The following PCBP3 variants were observed in gnomAD, a reference collection of about 807,000 sequenced individuals.
PCBP3 encodes poly(rC) binding protein 3, also known as poly(rC)-binding protein 3.
PCBP3 carries 25 observed loss-of-function variants against 52.7 expected under a neutral mutation model. The ratio of observed to expected loss-of-function variants is 0.47; its 90% CI spans 0.35 to 0.66. PCBP3 has a LOEUF of 0.66. PCBP3 is among the 30% of genes least tolerant of loss of function. The pLI, the probability that PCBP3 is intolerant of heterozygous loss-of-function variation, is 0.01. For synonymous variants in PCBP3, 162 were observed against 183.0 expected (o/e 0.89, Z 0.93); for missense variants, 391 against 490.3 (o/e 0.80, Z 1.91).
At chr21:45,784,503 G>A (rs1434543108) in intron 4 of PCBP3, among the ~76,000 whole-genome samples, 2 of 151,788 alleles carry the variant, frequency 1.3e-5, no homozygotes, top group African/African-American at 2.4e-5. Context: ...GTCTCCCTCT[G>A]ATGCCGAGCC....
At chr21:45,785,454 TG>T (rs1263406332) in intron 4 of PCBP3, among the ~76,000 whole-genome samples, 1 of 122,340 alleles carries the variant, frequency 8.2e-6, no homozygotes, top group African/African-American at 3.1e-5. Flanking sequence ...CCGCCCCGTC[TG>T]GGAGGAGGTG....
At chr21:45,861,780 C>T (rs1198321166) in intron 5 of PCBP3, among the ~76,000 whole-genome samples, 2 of 152,150 alleles carry the variant, frequency 1.3e-5, no homozygotes, top group Non-Finnish European at 2.9e-5. Flanking sequence ...ATTATAGGTA[C>T]AGACTACAAG....
chr21:45,647,102 G>C (rs757681005), intron 1 of PCBP3, among the ~76,000 whole-genome samples: 41 of 152,334 alleles, frequency 2.7e-4, no homozygotes, highest in South Asian at 2.3e-3. Flanking sequence ...TTGTGGTACA[G>C]AGATGTCACA....
At chr21:45,935,119 G>A in intron 15 of PCBP3, 134 bp from the exon 16 acceptor site, 1 of 634,564 alleles carries the variant, frequency 1.6e-6, no homozygotes, top group South Asian at 1.9e-5. Flanking sequence ...GGCCCTCTGG[G>A]CTGTGCTGAC....
chr21:45,716,579 G>A (rs996255378), intron 2 of PCBP3, among the ~76,000 whole-genome samples: 3 of 152,094 alleles, frequency 2.0e-5, no homozygotes, highest in African/African-American at 4.8e-5. Flanking sequence ...TTCTTGTAAG[G>A]ACACTAGTTC....
intron 4 of PCBP3, among the ~76,000 whole-genome samples, chr21:45,775,848 AT>A (rs1256256437): frequency 6.6e-6 from 1 of 151,872 alleles, no homozygotes; most frequent in East Asian, 1.9e-4. Flanking sequence ...TTCTCCTCTG[AT>A]TTTTATTATT....
chr21:45,649,737 T>G (rs1311067969), intron 1 of PCBP3, among the ~76,000 whole-genome samples: 2 of 152,194 alleles, frequency 1.3e-5, no homozygotes, highest in African/African-American at 2.4e-5. Context: ...AAGATTATCC[T>G]TATATTGTTT....
intron 5 of PCBP3, among the ~76,000 whole-genome samples, chr21:45,866,870 GGAGGTC>G (rs1200576609): frequency 6.6e-6 from 1 of 152,192 alleles, no homozygotes; most frequent in African/African-American, 2.4e-5. Context: ...GTACTAGGGC[GGAGGTC>G]GGGGACAGTC....
chr21:45,750,134 G>A (rs1227160676), intron 3 of PCBP3: 2 of 152,316 alleles, frequency 1.3e-5, no homozygotes, highest in Non-Finnish European at 2.9e-5. Flanking sequence ...CAGGTGCGGA[G>A]CAACGCTCTG....
At chr21:45,886,751 G>T (rs964670123) in intron 5 of PCBP3, among the ~76,000 whole-genome samples, 14 of 152,184 alleles carry the variant, frequency 9.2e-5, no homozygotes, top group South Asian at 2.1e-4. Flanking sequence ...AGAGGAGGGG[G>T]CTCCCTCATT....
chr21:45,816,609 T>A (rs1401850774), intron 4 of PCBP3, among the ~76,000 whole-genome samples: 3 of 148,066 alleles, frequency 2.0e-5, no homozygotes, highest in African/African-American at 7.5e-5. Flanking sequence ...TGCCACTGTC[T>A]TCCACCTCCA....
intron 5 of PCBP3, among the ~76,000 whole-genome samples, chr21:45,860,949 C>T (rs8130535): frequency 6.6e-6 from 1 of 152,212 alleles, no homozygotes; most frequent in African/African-American, 2.4e-5. Flanking sequence ...GCAGTGACCC[C>T]TCCGAGCAGG....
At chr21:45,665,238 C>G (rs922942045) in intron 1 of PCBP3, among the ~76,000 whole-genome samples, 1 of 151,606 alleles carries the variant, frequency 6.6e-6, no homozygotes, top group South Asian at 2.1e-4. Flanking sequence ...CCCATATCTA[C>G]AAAAAAATAA....
At chr21:45,925,764 A>G (rs539339029) in intron 13 of PCBP3, among the ~76,000 whole-genome samples, 1 of 152,382 alleles carries the variant, frequency 6.6e-6, no homozygotes, top group Non-Finnish European at 1.5e-5. Flanking sequence ...TCAGCTCACA[A>G]GAAGATATAA....
chr21:45,802,268 G>A lies in PCBP3; in HGVS notation c.-126+46816G>A, dbSNP rs1200632839. On this transcript the variant is annotated intron_variant, in intron 4 of 17. Coordinates refer to ENST00000681687, the MANE Select transcript of PCBP3 (RefSeq NM_001384156.1). This position sits in a 1 kb window ranked among gnomAD's most constrained non-coding sequence, Gnocchi z 5.1. ...AGGCTCACAGCTGGGTGCTGGGGCT[G>A]GGGGTGAGCTAGCTGTCCGGCCCCT... Among the ~76,000 whole-genome samples the A allele has an allele frequency of 6.6e-6, 1 of 152,166 alleles. No homozygotes were observed. The highest frequency in any genetic ancestry group is 1.5e-5 in the Non-Finnish European group (1 of 68,022).
intron 4 of PCBP3, among the ~76,000 whole-genome samples, chr21:45,769,801 G>A (rs954013606): frequency 1.1e-4 from 16 of 152,216 alleles, no homozygotes; most frequent in African/African-American, 3.6e-4. Flanking sequence ...TGGGCCGCTC[G>A]TTTCACAAGT....
intron 2 of PCBP3, among the ~76,000 whole-genome samples, chr21:45,677,825 G>A (rs187034922): frequency 1.3e-5 from 2 of 152,252 alleles, no homozygotes. Context: ...CATCTTTATA[G>A]CATGGTTTAC....
intron 2 of PCBP3, among the ~76,000 whole-genome samples, chr21:45,722,450 C>A (rs1412740164): frequency 2.6e-5 from 4 of 152,096 alleles, no homozygotes; most frequent in Non-Finnish European, 1.5e-5. Flanking sequence ...TAAATAATAT[C>A]TATTTTTATT....
chr21:45,683,744 A>G (rs1054565859), intron 2 of PCBP3, among the ~76,000 whole-genome samples: 13 of 151,876 alleles, frequency 8.6e-5, no homozygotes, highest in Non-Finnish European at 1.5e-5. Flanking sequence ...GGCTAACACG[A>G]TGAAACCCGG....
Sources: gnomAD v4.1 joint callset for allele counts (sites outside exome capture counted in the v4.1 genomes callset) on GRCh38, gnomAD v4.1.1 for gene constraint, Gnocchi (gnomAD v3.1) non-coding constraint, MANE v1.5 for transcripts, NCBI Gene and HGNC (gene_info 2026-07-23, HGNC 2026-07-21) for gene names.